The following PRELID2 variants were observed in gnomAD, a reference collection of about 807,000 sequenced individuals.
The protein encoded by PRELID2 is PRELI domain-containing protein 2.
In PRELID2, 25 loss-of-function variants were observed where a neutral mutation model predicts 28.4. That is an observed-to-expected ratio of 0.88 (90% CI 0.64 to 1.23). PRELID2 has a LOEUF of 1.23. Among genes scored for constraint, PRELID2 ranks in the 50% most tolerant of loss-of-function variants. The pLI, the probability that PRELID2 is intolerant of heterozygous loss-of-function variation, is 0.00. For missense variants in PRELID2, 201 were observed against 214.4 expected (o/e 0.94, Z 0.39); for synonymous variants, 76 against 71.6 (o/e 1.06, Z -0.31).
chr5:145,246,272 GT>G, the PRELID2 span, among the ~76,000 whole-genome samples: 1 of 152,032 alleles, frequency 6.6e-6, no homozygotes, highest in Non-Finnish European at 1.5e-5. Flanking sequence ...GAAGCGTGGG[GT>G]TTAGAGGAAA....
chr5:145,743,921 T>A (rs1462599272), intron 1 of PRELID2, among the ~76,000 whole-genome samples: 5 of 152,236 alleles, frequency 3.3e-5, no homozygotes, highest in Non-Finnish European at 5.9e-5. Context: ...CCTAACACGC[T>A]AAGCTCCCTG....
intron 1 of PRELID2, among the ~76,000 whole-genome samples, chr5:145,491,525 C>T (rs1434483271): frequency 6.6e-6 from 1 of 152,030 alleles, no homozygotes; most frequent in African/African-American, 2.4e-5. Context: ...TATGCATTAC[C>T]TTACATAGTT....
chr5:145,779,643 T>C (rs148749313), intron 5 of PRELID2, among the ~76,000 whole-genome samples: 3 of 152,300 alleles, frequency 2.0e-5, no homozygotes, highest in East Asian at 3.9e-4. Context: ...ATTTGGGTAA[T>C]AATGAAAAGA....
At chr5:145,576,965 TA>T (rs1753065783) in intron 1 of PRELID2, among the ~76,000 whole-genome samples, 1 of 152,126 alleles carries the variant, frequency 6.6e-6, no homozygotes, top group Admixed American at 6.6e-5. Context: ...TCAGAGGCCA[TA>T]AAATTCTGTC....
At chr5:145,417,467 A>T in the PRELID2 span, among the ~76,000 whole-genome samples, 1 of 152,172 alleles carries the variant, frequency 6.6e-6, no homozygotes, top group Non-Finnish European at 1.5e-5. Context: ...TCAGACCAAT[A>T]TCCTTGATGA....
the PRELID2 span, among the ~76,000 whole-genome samples, chr5:145,457,196 A>G: frequency 7.2e-5 from 11 of 152,284 alleles, no homozygotes; most frequent in East Asian, 2.1e-3. Flanking sequence ...CTTCAAGTTT[A>G]CATGTCACTT....
chr5:145,361,492 G>T, the PRELID2 span, among the ~76,000 whole-genome samples: 1 of 152,106 alleles, frequency 6.6e-6, no homozygotes, highest in Non-Finnish European at 1.5e-5. Flanking sequence ...TACAGCTCTG[G>T]TCCCTATTGA....
intron 1 of PRELID2, among the ~76,000 whole-genome samples, chr5:145,712,196 C>A (rs1425478834): frequency 1.3e-5 from 2 of 152,190 alleles, no homozygotes; most frequent in African/African-American, 2.4e-5. Context: ...TGTTAAATAC[C>A]TGCACTATTA....
intron 1 of PRELID2, among the ~76,000 whole-genome samples, chr5:145,575,207 T>C (rs1224849423): frequency 6.6e-6 from 1 of 152,152 alleles, no homozygotes; most frequent in Non-Finnish European, 1.5e-5. Context: ...AAAACCCATG[T>C]CTTGAACCCC....
intron 1 of PRELID2, among the ~76,000 whole-genome samples, chr5:145,483,200 T>C (rs1202932170): frequency 6.6e-6 from 1 of 152,144 alleles, no homozygotes; most frequent in Non-Finnish European, 1.5e-5. Flanking sequence ...CCCATCAAAA[T>C]ATAGAGTCTG....
the PRELID2 span, among the ~76,000 whole-genome samples, chr5:145,279,768 TAGA>T: frequency 1.3e-5 from 2 of 151,984 alleles, no homozygotes; most frequent in Non-Finnish European, 2.9e-5. Context: ...ACCAAAAAAT[TAGA>T]AGGACATATT....
the PRELID2 span, among the ~76,000 whole-genome samples, chr5:145,387,529 A>C: frequency 2.6e-5 from 4 of 152,210 alleles, no homozygotes; most frequent in Admixed American, 2.6e-4. Flanking sequence ...ATTTATACTT[A>C]CCATCAATTA....
the PRELID2 span, among the ~76,000 whole-genome samples, chr5:145,260,442 C>A: frequency 2.6e-5 from 4 of 152,170 alleles, no homozygotes; most frequent in African/African-American, 9.6e-5. Flanking sequence ...AAGACTTAAA[C>A]AGCATTGTCA....
At chr5:145,427,471 T>C in the PRELID2 span, among the ~76,000 whole-genome samples, 1 of 152,174 alleles carries the variant, frequency 6.6e-6, no homozygotes, top group Non-Finnish European at 1.5e-5. Context: ...TTTTTAAACA[T>C]ACCCCTTGGA....
intron 1 of PRELID2, among the ~76,000 whole-genome samples, chr5:145,742,807 G>A (rs1401727852): frequency 6.6e-6 from 1 of 151,674 alleles, no homozygotes; most frequent in Non-Finnish European, 1.5e-5. Flanking sequence ...ACTAAGAACT[G>A]CTTATTTGAA....
chr5:145,708,303 G>GAA (rs375795372), intron 1 of PRELID2, among the ~76,000 whole-genome samples: 11 of 143,708 alleles, frequency 7.7e-5, no homozygotes, highest in South Asian at 4.4e-4. Context: ...GATGAATCAA[G>GAA]AAAAAAAAAA....
intron 4 of PRELID2, among the ~76,000 whole-genome samples, chr5:145,796,813 T>A (rs373321472): frequency 6.6e-6 from 1 of 152,168 alleles, no homozygotes; most frequent in Admixed American, 6.6e-5. Context: ...ATCAATGATA[T>A]GACCTTAGGT....
the PRELID2 span, among the ~76,000 whole-genome samples, chr5:145,380,065 C>T: frequency 9.2e-5 from 14 of 152,334 alleles, no homozygotes; most frequent in Middle Eastern, 3.4e-3. Context: ...CATGCTCCTG[C>T]ACCAAACCCT....
chr5:145,772,218 A>G (rs1387155362), intron 5 of PRELID2, among the ~76,000 whole-genome samples: 2 of 151,956 alleles, frequency 1.3e-5, no homozygotes, highest in African/African-American at 4.8e-5. Context: ...GATGAGACCA[A>G]GGCTCAGAGA....
Sources: allele counts gnomAD v4.1 joint callset (sites outside exome capture counted in the v4.1 genomes callset), GRCh38; gene constraint gnomAD v4.1.1; transcripts MANE v1.5; gene names NCBI Gene and HGNC (gene_info 2026-07-23, HGNC 2026-07-21).